Variants in DNAJC17 observed in about 807,000 individuals in gnomAD.
DNAJC17 encodes the protein dnaJ homolog subfamily C member 17.
A neutral mutation model predicts 48.1 loss-of-function variants in DNAJC17; 35 were observed. The observed-to-expected ratio is 0.73, with a 90% CI of 0.56 to 0.96. DNAJC17 has a LOEUF of 0.96. DNAJC17 is among the 50% of genes least tolerant of loss of function. DNAJC17 has a pLI of 0.00. For synonymous variants in DNAJC17, 117 were observed against 142.7 expected (o/e 0.82, Z 1.28); for missense variants, 355 against 377.1 (o/e 0.94, Z 0.48).
chr15:40,807,217 G>T, intron 1 of DNAJC17, 152 bp downstream of exon 1: 1 of 1,523,378 alleles, frequency 6.6e-7, no homozygotes, highest in Non-Finnish European at 8.8e-7. Context: ...GAAATGTCTG[G>T]GAGCCCGCCT....
chr15:40,768,040 T>A lies in DNAJC17; in HGVS notation c.815A>T (p.Asp272Val). The change falls in exon 11 of 11, where the codon GAC (aspartate) becomes GTC (valine). Residue 272 changes from aspartate (D) to valine (V), a missense_variant. This residue lies in a region of DNAJC17 where 88 missense variants were observed against 67.7 expected (regional missense o/e 1.30). Transcript: ENST00000220496. ...LSKGSVLSER[D>V]YESLVMMRMR... The stretch of plus-strand genomic sequence containing the variant: ...GCGCATCATGACGAGGCTCTCGTAG[T>A]CCCTCTCTGACAGCACTGAGCCCTG... 1 of 1,588,884 alleles carries A rather than the reference T, an allele frequency of 6.3e-7. No homozygotes were observed. Among genetic ancestry groups the A allele is most frequent in the South Asian group, 1.1e-5 (1 of 87,252 alleles).
intron 1 of DNAJC17, among the ~76,000 whole-genome samples, chr15:40,790,758 C>T (rs1443380990): frequency 1.3e-5 from 2 of 152,164 alleles, no homozygotes; most frequent in African/African-American, 4.8e-5. Flanking sequence ...TGTGAAAGCA[C>T]TTTGGTGTCA....
intron 10 of DNAJC17, among the ~76,000 whole-genome samples, chr15:40,768,518 C>T (rs752240342): frequency 2.6e-5 from 4 of 152,160 alleles, no homozygotes; most frequent in Non-Finnish European, 5.9e-5. Context: ...TCTCTATGCC[C>T]GGTGCCCTGT....
chr15:40,774,463 G>C (rs199700166), intron 8 of DNAJC17, 27 bp from the exon 9 acceptor site: 60 of 1,613,054 alleles, frequency 3.7e-5, no homozygotes, highest in Non-Finnish European at 5.1e-5. Flanking sequence ...GTCCTAATAA[G>C]CATGACTTGG....
At position 40,767,960 on chromosome 15, in the gene DNAJC17, G is replaced by C. The variant is rs1329028807; in HGVS notation, c.895C>G (p.Gln299Glu). ...TGGGGCTACGTAGGCGGCCCCTCCT[G>C]GTCTTCCTGCTGCATCCGTGCGATC... ...QLIARMQQED[Q>E]EGPPT The change falls in exon 11 of 11, where the codon CAG becomes GAG. Residue 299 changes from glutamine to glutamate, a missense_variant. Transcript: ENST00000220496. 1 of 1,613,030 alleles carries C rather than the reference G, an allele frequency of 6.2e-7. No homozygotes were observed. The highest frequency in any genetic ancestry group is 1.1e-5 in the South Asian group (1 of 91,018).
At chr15:40,780,948 A>C (rs553666812) in intron 1 of DNAJC17, among the ~76,000 whole-genome samples, 1 of 151,160 alleles carries the variant, frequency 6.6e-6, no homozygotes, top group South Asian at 2.1e-4. Context: ...GGAGTAGGAG[A>C]CCAGCCTGGC....
chr15:40,783,870 T>C (rs1415200197), intron 1 of DNAJC17, among the ~76,000 whole-genome samples: 1 of 151,564 alleles, frequency 6.6e-6, no homozygotes, highest in African/African-American at 2.4e-5. Context: ...CTCAAAAAAA[T>C]AAAATAAAAG....
At chr15:40,768,721 G>C (rs529913735) in intron 10 of DNAJC17, among the ~76,000 whole-genome samples, 12 of 152,250 alleles carry the variant, frequency 7.9e-5, no homozygotes, top group Non-Finnish European at 1.6e-4. Flanking sequence ...CTGTAGGGTG[G>C]AGAAGCAGCT....
chr15:40,778,143 G>C (rs909281129), intron 4 of DNAJC17, among the ~76,000 whole-genome samples: 2 of 151,710 alleles, frequency 1.3e-5, no homozygotes, highest in African/African-American at 4.8e-5. Flanking sequence ...AGTGAGCCAT[G>C]ATGGTGCCAC....
At chr15:40,777,120 G>A (rs940373106) in intron 4 of DNAJC17, among the ~76,000 whole-genome samples, 3 of 152,272 alleles carry the variant, frequency 2.0e-5, no homozygotes, top group South Asian at 4.1e-4. Context: ...TGGGCAGAGT[G>A]TTAGGGCATC....
intron 1 of DNAJC17, among the ~76,000 whole-genome samples, chr15:40,792,044 C>T (rs1416749497): frequency 6.6e-6 from 1 of 152,182 alleles, no homozygotes; most frequent in Non-Finnish European, 1.5e-5. Flanking sequence ...GGCCCAAACA[C>T]ACATTTCTCA....
In DNAJC17 at chr15:40,773,727, C is replaced by G. The variant is rs1383580349; in HGVS notation, c.792G>C (p.Lys264Asn). Residue 264 changes from lysine (K) to asparagine (N), a missense_variant and splice_region_variant, in exon 10 of 11, where the codon AAG becomes AAC. Lys to Asn is a moderately conservative substitution (Grantham distance 94). This residue lies in a region of DNAJC17 where 88 missense variants were observed against 67.7 expected (regional missense o/e 1.30). Coordinates refer to ENST00000220496, the MANE Select transcript of DNAJC17 (RefSeq NM_018163.3). ...AVGRSHSGLS[K>N]GSVLSERDYE... is the part of the protein sequence containing the mutation. Reference sequence around the variant, plus strand: ...AGCCGGGCGAGGCCTGACTCCTCACCTTTGACAGTCCTGAGTGGCTGCGGC... The same window carrying G: ...AGCCGGGCGAGGCCTGACTCCTCACGTTTGACAGTCCTGAGTGGCTGCGGC... The G allele has an allele frequency of 1.9e-6, 3 of 1,613,084 alleles. No individual in the cohort carries two copies. Among genetic ancestry groups the G allele is most frequent in the Admixed American group, 1.7e-5 (1 of 59,908 alleles).
intron 10 of DNAJC17, among the ~76,000 whole-genome samples, chr15:40,773,517 T>G (rs1365562873): frequency 6.6e-6 from 1 of 152,152 alleles, no homozygotes; most frequent in Non-Finnish European, 1.5e-5. Context: ...AAGCAAGGTC[T>G]AAGAATACAG....
intron 1 of DNAJC17, among the ~76,000 whole-genome samples, chr15:40,786,145 T>C (rs917014678): frequency 6.6e-6 from 1 of 152,248 alleles, no homozygotes; most frequent in African/African-American, 2.4e-5. Context: ...CCGGTCTCAA[T>C]ATTGTTTATT....
chr15:40,766,236 G>GCT lies in DNAJC17; in HGVS notation c.*1703_*1704insAG, dbSNP rs771465283. On this transcript the variant is annotated 3_prime_UTR_variant, in exon 11 of 11. Coordinates refer to ENST00000220496, the MANE Select transcript of DNAJC17 (RefSeq NM_018163.3). Reference sequence around the variant, plus strand: ...CTCTCCTAAGCTGGACCCCATCAAGGACAGACAGGCACAGAGAGAAAGGTT... The same window carrying GCT: ...CTCTCCTAAGCTGGACCCCATCAAGGCTACAGACAGGCACAGAGAGAAAGGTT... 46 of 214,636 alleles carry GCT rather than the reference G, an allele frequency of 2.1e-4. No individual in the cohort carries two copies. The highest frequency in any genetic ancestry group is 3.8e-4 in the Non-Finnish European group (42 of 109,274). The allele number at this position is 214,636 out of a possible 1,614,324, so 13.3% of individuals were successfully genotyped here.
chr15:40,802,616 C>T (rs1231533194), intron 1 of DNAJC17, among the ~76,000 whole-genome samples: 3 of 152,198 alleles, frequency 2.0e-5, no homozygotes, highest in Admixed American at 6.5e-5. Flanking sequence ...ACCACTGAAC[C>T]GCGCTGGACA....
At chr15:40,804,171 C>T (rs1459391665) in intron 1 of DNAJC17, among the ~76,000 whole-genome samples, 2 of 151,836 alleles carry the variant, frequency 1.3e-5, no homozygotes, top group Non-Finnish European at 2.9e-5. Context: ...GCTCTCACTA[C>T]GTTTCCCAGG....
intron 1 of DNAJC17, among the ~76,000 whole-genome samples, chr15:40,805,585 G>T (rs1365417915): frequency 6.9e-6 from 1 of 145,856 alleles, no homozygotes; most frequent in East Asian, 2.1e-4. Flanking sequence ...GCTCACGCTT[G>T]TAATCCCAGC....
At chr15:40,807,326 C>T in intron 1 of DNAJC17, 43 bp downstream of exon 1, 2 of 1,614,210 alleles carry the variant, frequency 1.2e-6, no homozygotes, top group Non-Finnish European at 1.7e-6. Context: ...CAGGAAGGAC[C>T]GCCAGACCTC....
Sources: allele counts gnomAD v4.1 joint callset (sites outside exome capture counted in the v4.1 genomes callset), GRCh38; gene constraint gnomAD v4.1.1; regional missense constraint gnomAD v4.1.1; transcripts MANE v1.5; gene names NCBI Gene and HGNC (gene_info 2026-07-23, HGNC 2026-07-21).